Variants in CDC73 observed in about 807,000 individuals in gnomAD.
The protein encoded by CDC73 is parafibromin.
CDC73 carries 21 observed loss-of-function variants against 83.7 expected under a neutral mutation model. The observed-to-expected ratio is 0.25, with a 90% CI of 0.18 to 0.36. CDC73 has a LOEUF of 0.36. Ranked by LOEUF, CDC73 falls within the 10% of genes least tolerant of loss-of-function variation. The pLI is 1.00. For missense variants in CDC73, 342 were observed against 653.3 expected (o/e 0.52, Z 5.19); for synonymous variants, 224 against 212.9 (o/e 1.05, Z -0.45).
intron 13 of CDC73, among the ~76,000 whole-genome samples, chr1:193,225,669 C>G (rs991970467): frequency 1.3e-5 from 2 of 152,010 alleles, no homozygotes; most frequent in Non-Finnish European, 2.9e-5. Context: ...TGATGTTGAG[C>G]ATTTTTTTCA....
At chr1:193,149,820 AGACT>A (rs67733870) in intron 8 of CDC73, among the ~76,000 whole-genome samples, 6,029 of 152,276 alleles carry the variant, frequency 0.04, 114 homozygotes, top group Middle Eastern at 0.048. Context: ...ATGCATCATT[AGACT>A]GACAGCCTTT....
chr1:193,229,943 A>G (rs1464336376), intron 13 of CDC73, among the ~76,000 whole-genome samples: 2 of 152,158 alleles, frequency 1.3e-5, no homozygotes, highest in Non-Finnish European at 2.9e-5. Context: ...TTTCTGGTTG[A>G]CACAGATGTT....
At chr1:193,178,271 T>C (rs1255695183) in intron 10 of CDC73, among the ~76,000 whole-genome samples, 5 of 152,164 alleles carry the variant, frequency 3.3e-5, no homozygotes, top group African/African-American at 9.6e-5. Context: ...TACTATCGTT[T>C]TTCAAGATAA....
At chr1:193,136,479 A>C in intron 5 of CDC73, 1 of 278,536 alleles carries the variant, frequency 3.6e-6, no homozygotes, top group Non-Finnish European at 8.3e-6. Flanking sequence ...TAAGTACTTT[A>C]TATGTATTAA....
chr1:193,206,106 A>C (rs754727309), intron 11 of CDC73, among the ~76,000 whole-genome samples: 2 of 152,204 alleles, frequency 1.3e-5, no homozygotes, highest in Admixed American at 6.5e-5. Context: ...ATACCTAAAC[A>C]AACCATTTTG....
At position 193,251,895 on chromosome 1, in the gene CDC73, T is replaced by G. The variant is rs1678049661; in HGVS notation, c.*1183T>G. ...TAGGAAGCTTTACTTTCCTAAAGTG[T>G]TTTTGCCATTGGAATTTTTGCTGAT... On this transcript the variant is annotated 3_prime_UTR_variant, in exon 17 of 17. Transcript: ENST00000367435. 1 of 231,448 alleles carries G rather than the reference T, an allele frequency of 4.3e-6. No homozygotes were observed. Among genetic ancestry groups the G allele is most frequent in the Non-Finnish European group, 8.5e-6 (1 of 116,990 alleles). The allele number at this position is 231,448 out of a possible 1,614,324, so 14.3% of individuals were successfully genotyped here.
At chr1:193,166,558 A>T (rs533463495) in intron 10 of CDC73, among the ~76,000 whole-genome samples, 1 of 152,286 alleles carries the variant, frequency 6.6e-6, no homozygotes, top group East Asian at 1.9e-4. Context: ...CCAGAAACTA[A>T]GTACTTTAGG....
intron 13 of CDC73, among the ~76,000 whole-genome samples, chr1:193,231,787 A>T (rs1250403456): frequency 6.6e-6 from 1 of 152,174 alleles, no homozygotes; most frequent in Non-Finnish European, 1.5e-5. Flanking sequence ...AATATGTGTA[A>T]TTGAAGTTTT....
intron 16 of CDC73, 45 bp downstream of exon 16, chr1:193,249,916 T>A (rs1157838859): frequency 6.3e-7 from 1 of 1,596,750 alleles, no homozygotes; most frequent in South Asian, 1.1e-5. Context: ...TTATTGTAAT[T>A]TTTCTGTCTC....
At chr1:193,157,062 G>A (rs1426394000) in intron 10 of CDC73, among the ~76,000 whole-genome samples, 3 of 152,100 alleles carry the variant, frequency 2.0e-5, no homozygotes, top group Non-Finnish European at 2.9e-5. Flanking sequence ...CATTTAGGAG[G>A]TAATTCTTGA....
intron 10 of CDC73, chr1:193,179,442 T>C (rs1337471111): frequency 1.3e-5 from 2 of 152,646 alleles, no homozygotes; most frequent in Admixed American, 1.3e-4. Context: ...TCTTTACAGA[T>C]ATATTCGAAG....
intron 13 of CDC73, 43 bp from the exon 14 acceptor site, chr1:193,232,950 A>G: frequency 6.5e-7 from 1 of 1,528,262 alleles, no homozygotes; most frequent in East Asian, 2.3e-5. Context: ...CATTTTCATC[A>G]CGTGGAATAC....
At chr1:193,145,431 A>C (rs530629060) in intron 7 of CDC73, among the ~76,000 whole-genome samples, 69 of 152,348 alleles carry the variant, frequency 4.5e-4, no homozygotes, top group African/African-American at 1.6e-3. Flanking sequence ...TGTCGAATGT[A>C]GAAGCTGATC....
chr1:193,174,397 C>T (rs530848573), intron 10 of CDC73, among the ~76,000 whole-genome samples: 13 of 152,134 alleles, frequency 8.5e-5, no homozygotes, highest in Non-Finnish European at 1.8e-4. Context: ...GAAACTATGT[C>T]TTTCTTGCCT....
At chr1:193,180,181 T>G (rs1177128660) in intron 10 of CDC73, 8 of 888,358 alleles carry the variant, frequency 9.0e-6, no homozygotes. Context: ...CTTCTTGAAT[T>G]TCTTTATGTG....
chr1:193,224,339 G>GTATATA (rs10541068), intron 13 of CDC73, among the ~76,000 whole-genome samples: 1 of 149,784 alleles, frequency 6.7e-6, no homozygotes, highest in African/African-American at 2.4e-5. Flanking sequence ...ATTGTTCCAT[G>GTATATA]TATATATATA....
At chr1:193,163,231 C>T (rs919145837) in intron 10 of CDC73, among the ~76,000 whole-genome samples, 2 of 151,116 alleles carry the variant, frequency 1.3e-5, no homozygotes, top group Admixed American at 6.6e-5. Context: ...ACAGGCTGGG[C>T]GCAGTGGCTC....
At chr1:193,153,289 G>A (rs963293057) in intron 10 of CDC73, among the ~76,000 whole-genome samples, 5 of 151,876 alleles carry the variant, frequency 3.3e-5, no homozygotes, top group Admixed American at 6.6e-5. Context: ...TTTAATGATC[G>A]GACTTGGTGA....
intron 14 of CDC73, among the ~76,000 whole-genome samples, chr1:193,234,760 C>G (rs369564298): frequency 8.5e-4 from 129 of 152,226 alleles, no homozygotes; most frequent in African/African-American, 2.9e-3. Flanking sequence ...GGGCTTTCAA[C>G]TGTTGTAAGT....
Sources: allele counts gnomAD v4.1 joint callset (sites outside exome capture counted in the v4.1 genomes callset), GRCh38; gene constraint gnomAD v4.1.1; transcripts MANE v1.5; gene names NCBI Gene and HGNC (gene_info 2026-07-23, HGNC 2026-07-21).